PARD3B: variants seen among roughly 807,000 people sequenced by gnomAD.
PARD3B encodes par-3 family cell polarity regulator beta.
PARD3B carries 103 observed loss-of-function variants against 130.2 expected under a neutral mutation model. The observed-to-expected ratio is 0.79, with a 90% CI of 0.67 to 0.93. The LOEUF is 0.93. PARD3B is among the 40% of genes least tolerant of loss of function. The pLI is 0.00. For missense variants in PARD3B, 1,609 were observed against 1,499.2 expected (o/e 1.07, Z -1.21); for synonymous variants, 583 against 553.2 (o/e 1.05, Z -0.76).
At chr2:204,762,262 C>G (rs939855345) in intron 2 of PARD3B, among the ~76,000 whole-genome samples, 1 of 151,238 alleles carries the variant, frequency 6.6e-6, no homozygotes, top group African/African-American at 2.4e-5. Flanking sequence ...GGTGGGAGTA[C>G]AGGCACGTGC....
At chr2:204,773,648 C>G (rs561482844) in intron 2 of PARD3B, among the ~76,000 whole-genome samples, 4 of 152,206 alleles carry the variant, frequency 2.6e-5, no homozygotes, top group African/African-American at 9.6e-5. Flanking sequence ...CAACTGTTCC[C>G]TTACAAAAAT....
chr2:205,278,393 G>A (rs77707298), intron 16 of PARD3B, among the ~76,000 whole-genome samples: 3,886 of 152,260 alleles, frequency 0.026, 94 homozygotes, highest in African/African-American at 0.06. Context: ...CTGGACGACT[G>A]ATAGGCTTGG....
intron 18 of PARD3B, among the ~76,000 whole-genome samples, chr2:205,311,636 G>A (rs548566202): frequency 6.6e-6 from 1 of 152,252 alleles, no homozygotes; most frequent in African/African-American, 2.4e-5. Context: ...ATGTAGTTGG[G>A]CATGATGCCT....
chr2:205,437,123 A>G (rs528948005), intron 19 of PARD3B, among the ~76,000 whole-genome samples: 137 of 152,280 alleles, frequency 9.0e-4, no homozygotes, highest in Non-Finnish European at 1.5e-3. Flanking sequence ...ATGCAGCCAT[A>G]TATCGACTGG....
At chr2:204,885,219 G>C (rs143572305) in intron 2 of PARD3B, among the ~76,000 whole-genome samples, 2,873 of 152,218 alleles carry the variant, frequency 0.019, 60 homozygotes, top group East Asian at 0.11. Context: ...TTGCATTTCT[G>C]TAATGATCAG....
chr2:205,478,801 G>T (rs1359553164), intron 20 of PARD3B, among the ~76,000 whole-genome samples: 1 of 152,076 alleles, frequency 6.6e-6, no homozygotes, highest in East Asian at 1.9e-4. Flanking sequence ...ACAGTTTCCG[G>T]ACAGTTTCAT....
At chr2:205,233,100 T>C (rs980003640) in intron 15 of PARD3B, among the ~76,000 whole-genome samples, 1 of 152,104 alleles carries the variant, frequency 6.6e-6, no homozygotes, top group African/African-American at 2.4e-5. Flanking sequence ...AACAATTTGC[T>C]GAAATCATGG....
At chr2:205,210,674 A>G (rs2037580242) in intron 15 of PARD3B, among the ~76,000 whole-genome samples, 1 of 152,080 alleles carries the variant, frequency 6.6e-6, no homozygotes, top group African/African-American at 2.4e-5. Flanking sequence ...GCAGAAAAGC[A>G]GTTTTGCTCG....
intron 18 of PARD3B, among the ~76,000 whole-genome samples, chr2:205,330,169 T>C (rs10182979): frequency 0.87 from 132,353 of 151,286 alleles, 58,094 homozygotes; most frequent in Admixed American, 0.92. Context: ...GGAGAAACCC[T>C]GTCTCTACTA....
chr2:205,212,202 A>T (rs2037678800), intron 15 of PARD3B, among the ~76,000 whole-genome samples: 2 of 55,152 alleles, frequency 3.6e-5, no homozygotes, highest in Non-Finnish European at 6.5e-5. Flanking sequence ...AATGTCAGTG[A>T]AACTAACAGA....
intron 18 of PARD3B, among the ~76,000 whole-genome samples, chr2:205,360,903 T>C (rs1299264546): frequency 1.3e-5 from 2 of 152,204 alleles, no homozygotes; most frequent in Middle Eastern, 3.2e-3. Flanking sequence ...CTCAGTCTCA[T>C]TGGTGTCTTT....
At chr2:204,725,627 A>T (rs754326349) in intron 2 of PARD3B, among the ~76,000 whole-genome samples, 1 of 152,192 alleles carries the variant, frequency 6.6e-6, no homozygotes, top group Non-Finnish European at 1.5e-5. Context: ...TCTACTTTAC[A>T]TATTTTATGT....
rs950589691 is a variant in PARD3B, at chr2:204,664,629, T to C, written c.121-21552T>C. On this transcript the variant is annotated intron_variant, in intron 1 of 22. Coordinates refer to ENST00000406610, the MANE Select transcript of PARD3B (RefSeq NM_001302769.2). The surrounding 1 kb of genome is among the most constrained non-coding windows in gnomAD (Gnocchi z 5.2). ...TAAGGAAATTTCCTTTTAAGCACAT[T>C]TTGGCTCTGGTAAAATCTATTCTGA... Among the ~76,000 whole-genome samples, 1 of 152,216 alleles carries C rather than the reference T, an allele frequency of 6.6e-6. No homozygotes were observed. The highest frequency in any genetic ancestry group is 1.5e-5 in the Non-Finnish European group (1 of 68,034).
Position 205,116,988 on chromosome 2 carries a change from G to T in PARD3B, c.681-1933G>T, listed in dbSNP as rs947228729. ...CCAAAATGTGAAATTAAATCCTAGGGAGTAACATTACATGACTGATGATGT... is the reference window on the plus strand; with the variant it reads ...CCAAAATGTGAAATTAAATCCTAGGTAGTAACATTACATGACTGATGATGT... On this transcript the variant is annotated intron_variant, in intron 6 of 22. Coordinates refer to ENST00000406610, the MANE Select transcript of PARD3B (RefSeq NM_001302769.2). This position sits in a 1 kb window ranked among gnomAD's most constrained non-coding sequence, Gnocchi z 4.5. 6.6e-6 allele frequency among the ~76,000 whole-genome samples: 1 copy of T among 152,062 alleles called. No homozygotes were observed. The highest frequency in any genetic ancestry group is 1.5e-5 in the Non-Finnish European group (1 of 68,018).
At chr2:204,837,091 T>C (rs766001264) in intron 2 of PARD3B, among the ~76,000 whole-genome samples, 8 of 152,136 alleles carry the variant, frequency 5.3e-5, no homozygotes, top group Non-Finnish European at 7.3e-5. Context: ...TAACATCCAG[T>C]GGGGTATGAT....
Position 205,604,822 on chromosome 2 carries a change from C to T in PARD3B, c.3261-10634C>T, listed in dbSNP as rs182739596. Among the ~76,000 whole-genome samples, 258 of 152,280 alleles carry T rather than the reference C, an allele frequency of 1.7e-3. 1 individual carries two copies. Among genetic ancestry groups the T allele is most frequent in the African/African-American group, 5.7e-3 (235 of 41,556 alleles). On this transcript the variant is annotated intron_variant, in intron 22 of 22. Transcript: ENST00000406610. ...ATGTTTTCCAACGTGGTTCTGTTTT[C>T]GCTGTCTCTTTCAGGTACCCTAATT...
chr2:205,073,203 AAAATGT>A (rs1479610669), intron 4 of PARD3B, among the ~76,000 whole-genome samples: 1 of 152,206 alleles, frequency 6.6e-6, no homozygotes, highest in Non-Finnish European at 1.5e-5. Flanking sequence ...GGCCACTTAA[AAAATGT>A]AAATGTAAAA....
In PARD3B at chr2:205,300,529, G is replaced by T; in HGVS notation, c.2186-1G>T. On this transcript the variant is annotated splice_acceptor_variant, in intron 16 of 22. Transcript: ENST00000406610. LOFTEE classifies it high-confidence loss of function. The surrounding 1 kb of genome is among the most constrained non-coding windows in gnomAD (Gnocchi z 4.1). Reference sequence around the variant, plus strand: ...GTGACCTTTTGCCCTTTCTTTTCCAGAATCTCCAAGCAAAGATTTTGGTCC... The same window carrying T: ...GTGACCTTTTGCCCTTTCTTTTCCATAATCTCCAAGCAAAGATTTTGGTCC... 6.2e-7 allele frequency: 1 copy of T among 1,612,486 alleles called. No individual in the cohort carries two copies. The highest frequency in any genetic ancestry group is 1.1e-5 in the South Asian group (1 of 91,000).
intron 19 of PARD3B, among the ~76,000 whole-genome samples, chr2:205,409,595 T>C (rs1340949618): frequency 6.6e-6 from 1 of 152,138 alleles, no homozygotes; most frequent in East Asian, 1.9e-4. Context: ...CTTGAATCAA[T>C]GTTAGAAGTG....
Sources: gnomAD v4.1 joint callset for allele counts (sites outside exome capture counted in the v4.1 genomes callset) on GRCh38, gnomAD v4.1.1 for gene constraint, Gnocchi (gnomAD v3.1) non-coding constraint, MANE v1.5 for transcripts, NCBI Gene and HGNC (gene_info 2026-07-23, HGNC 2026-07-21) for gene names.